Variants in PPP1R9A observed in about 807,000 individuals in gnomAD.
PPP1R9A encodes protein phosphatase 1 regulatory subunit 9A.
PPP1R9A carries 59 observed loss-of-function variants against 141.9 expected under a neutral mutation model. The ratio of observed to expected loss-of-function variants is 0.42; its 90% CI spans 0.34 to 0.52. The LOEUF is 0.52. Ranked by LOEUF, PPP1R9A falls within the 20% of genes least tolerant of loss-of-function variation. The pLI, the probability that PPP1R9A is intolerant of heterozygous loss-of-function variation, is 0.10. For synonymous variants in PPP1R9A, 500 were observed against 569.7 expected, an observed-to-expected ratio of 0.88 and a Z score of 1.74; for missense variants, 1,444 against 1,611.9, an observed-to-expected ratio of 0.90 and a Z score of 1.78.
chr7:95,107,721 C>G (rs1819753524), intron 2 of PPP1R9A, among the ~76,000 whole-genome samples: 1 of 152,056 alleles, frequency 6.6e-6, no homozygotes, highest in Admixed American at 6.5e-5. Context: ...GTTTTGATAT[C>G]CACTAGGGCC....
intron 16 of PPP1R9A, 70 bp downstream of exon 16, chr7:95,274,238 A>T: frequency 7.4e-7 from 1 of 1,354,298 alleles, no homozygotes; most frequent in Admixed American, 2.4e-5. Context: ...TCTATTGTTA[A>T]CCAAAATCAG....
intron 2 of PPP1R9A, among the ~76,000 whole-genome samples, chr7:94,954,440 A>G (rs1276617645): frequency 1.3e-5 from 2 of 151,772 alleles, no homozygotes; most frequent in Non-Finnish European, 2.9e-5. Context: ...CCATTTCCTT[A>G]TTTCTACTTA....
At chr7:95,223,365 A>G (rs1258463960) in intron 7 of PPP1R9A, among the ~76,000 whole-genome samples, 7 of 152,028 alleles carry the variant, frequency 4.6e-5, no homozygotes, top group African/African-American at 7.2e-5. Context: ...AGAATTGCAT[A>G]TGTTATGCAT....
chr7:95,043,180 A>G (rs1035349473), intron 2 of PPP1R9A, among the ~76,000 whole-genome samples: 1 of 152,148 alleles, frequency 6.6e-6, no homozygotes, highest in African/African-American at 2.4e-5. Flanking sequence ...TAAATTCTAG[A>G]GAGACTTAAA....
Position 95,114,286 on chromosome 7 carries a change from A to C in PPP1R9A, c.1528+2895A>C, listed in dbSNP as rs533190063. Among the ~76,000 whole-genome samples the C allele has an allele frequency of 8.5e-5, 13 of 152,314 alleles. No individual in the cohort carries two copies. In the South Asian group the frequency reaches 1.7e-3, roughly 19 times the overall value. ...ACCACAGAAGAAACCATTTAGTGTA[A>C]TATAATTGCATTTACTTACATTTCA... On this transcript the variant is annotated intron_variant, in intron 3 of 19. Transcript: ENST00000433360.
chr7:94,915,621 C>G (rs1791976614), intron 2 of PPP1R9A, among the ~76,000 whole-genome samples: 1 of 152,252 alleles, frequency 6.6e-6, no homozygotes, highest in African/African-American at 2.4e-5. Flanking sequence ...AATCCAGAAG[C>G]AAGAGGAAAG....
chr7:95,175,082 C>A lies in PPP1R9A; in HGVS notation c.1754+13111C>A, dbSNP rs1306198944. 4.6e-5 allele frequency: 7 copies of A among 152,092 alleles called. No individual in the cohort carries two copies. In the East Asian group the frequency reaches 1.2e-3, roughly 25 times the overall value. 9.4% of individuals were successfully genotyped at this position (152,092 alleles called of 1,614,324 possible). On this transcript the variant is annotated intron_variant, in intron 5 of 19. Coordinates refer to ENST00000433360, the MANE Select transcript of PPP1R9A (RefSeq NM_001166160.2). Reference sequence around the variant, plus strand: ...GATGCAATCTGCCATCTTTTTGTAACCTAAAATCTGAAATGACATCCCGTC... The same window carrying A: ...GATGCAATCTGCCATCTTTTTGTAAACTAAAATCTGAAATGACATCCCGTC...
chr7:94,979,906 AT>A lies in PPP1R9A; in HGVS notation c.1395+68407del, dbSNP rs971360977. ...TACTTTGGTTGACAATGTTAAAGGT[AT>A]TTTTTTTTGGTTTTGGGGTACCTTT... On this transcript the variant is annotated intron_variant, in intron 2 of 19. Transcript: ENST00000433360. 2.1e-4 allele frequency among the ~76,000 whole-genome samples: 31 copies of A among 147,856 alleles called. 1 individual carries two copies. Among genetic ancestry groups the A allele is most frequent in the Admixed American group, 6.6e-4 (10 of 15,064 alleles).
chr7:95,149,214 C>CT lies in PPP1R9A; in HGVS notation c.1650-12652dup, dbSNP rs1429430694. Among the ~76,000 whole-genome samples the CT allele has an allele frequency of 3.3e-5, 5 of 152,014 alleles. No homozygotes were observed. The East Asian group carries it at 5.8e-4, about 18-fold the overall frequency. ...AAATCATCCATTTATGAGAAAAACTCTAAGTATACTAGGAGTAGAGCAGAA... is the reference window on the plus strand; with the variant it reads ...AAATCATCCATTTATGAGAAAAACTCTTAAGTATACTAGGAGTAGAGCAGAA... On this transcript the variant is annotated intron_variant, in intron 4 of 19. Coordinates refer to ENST00000433360, the MANE Select transcript of PPP1R9A (RefSeq NM_001166160.2).
intron 2 of PPP1R9A, among the ~76,000 whole-genome samples, chr7:95,106,939 G>T (rs138262171): frequency 6.6e-6 from 1 of 151,772 alleles, no homozygotes; most frequent in South Asian, 2.1e-4. Flanking sequence ...ACGCCACCAC[G>T]CCCAGTTAAT....
intron 2 of PPP1R9A, among the ~76,000 whole-genome samples, chr7:94,949,112 TA>T (rs1351301123): frequency 1.3e-5 from 2 of 152,192 alleles, no homozygotes; most frequent in Non-Finnish European, 2.9e-5. Flanking sequence ...ACAAATGTAT[TA>T]CAGAGCTTTG....
At chr7:95,113,082 T>TA (rs1422846254) in intron 3 of PPP1R9A, among the ~76,000 whole-genome samples, 3 of 152,140 alleles carry the variant, frequency 2.0e-5, no homozygotes, top group South Asian at 2.1e-4. Context: ...TATACAGATT[T>TA]AAAAAAAGAC....
In PPP1R9A at chr7:95,293,056, T is replaced by G. The variant is rs1806582790; in HGVS notation, c.*2753T>G. On this transcript the variant is annotated 3_prime_UTR_variant, in exon 20 of 20. Coordinates refer to ENST00000433360, the MANE Select transcript of PPP1R9A (RefSeq NM_001166160.2). ...GAATATCTGGTTGCTATGAACTGAT[T>G]CCCTAAAGGAGAGCTCAGTATGATT... The G allele has an allele frequency of 6.6e-6, 1 of 152,152 alleles. No homozygotes were observed. The highest frequency in any genetic ancestry group is 2.4e-5 in the African/African-American group (1 of 41,434). 9.4% of individuals were successfully genotyped at this position (152,152 alleles called of 1,614,324 possible). A position where few individuals can be genotyped will look rare whatever the true frequency, so the allele number is the denominator to read the frequency against.
chr7:94,992,304 T>G (rs1336672956), intron 2 of PPP1R9A, among the ~76,000 whole-genome samples: 3 of 152,244 alleles, frequency 2.0e-5, no homozygotes, highest in Admixed American at 2.0e-4. Flanking sequence ...TGTGCAAGTA[T>G]CAATACTTTC....
At chr7:95,204,861 C>T (rs535814507) in intron 7 of PPP1R9A, among the ~76,000 whole-genome samples, 12 of 146,018 alleles carry the variant, frequency 8.2e-5, no homozygotes, top group South Asian at 4.5e-4. Flanking sequence ...ACCACACACA[C>T]GACAAACACC....
chr7:95,049,484 C>T (rs1290941777), intron 2 of PPP1R9A, among the ~76,000 whole-genome samples: 1 of 152,146 alleles, frequency 6.6e-6, no homozygotes, highest in East Asian at 1.9e-4. Context: ...CTGTTAAGAT[C>T]CTGCCTTACT....
At position 95,159,166 on chromosome 7, in the gene PPP1R9A, A is replaced by G. The variant is rs140584883; in HGVS notation, c.1650-2701A>G. Among the ~76,000 whole-genome samples the G allele has an allele frequency of 9.2e-3, 1,394 of 152,324 alleles. 13 individuals carry two copies. Among genetic ancestry groups the G allele is most frequent in the Middle Eastern group, 0.031 (9 of 294 alleles). On this transcript the variant is annotated intron_variant, in intron 4 of 19. Coordinates refer to ENST00000433360, the MANE Select transcript of PPP1R9A (RefSeq NM_001166160.2). ...TCCAGCTGCAAAATAATGAATAAAT[A>G]CATTTTGGCATATTGATAAAAGATG...
At chr7:95,157,542 G>A (rs1829828403) in intron 4 of PPP1R9A, among the ~76,000 whole-genome samples, 1 of 152,178 alleles carries the variant, frequency 6.6e-6, no homozygotes, top group Admixed American at 6.5e-5. Context: ...CCTGCTGCCT[G>A]GAGCTCCATG....
intron 2 of PPP1R9A, among the ~76,000 whole-genome samples, chr7:95,091,026 A>G (rs1459252740): frequency 2.0e-5 from 3 of 151,992 alleles, no homozygotes; most frequent in South Asian, 2.1e-4. Context: ...CATCATATCA[A>G]TGTACCACTT....
Sources: allele counts gnomAD v4.1 joint callset (sites outside exome capture counted in the v4.1 genomes callset), GRCh38; gene constraint gnomAD v4.1.1; transcripts MANE v1.5; gene names NCBI Gene and HGNC (gene_info 2026-07-23, HGNC 2026-07-21).